Variants in MARCHF6 observed in about 807,000 individuals in gnomAD.
The protein encoded by MARCHF6 is E3 ubiquitin-protein ligase MARCHF6.
A neutral mutation model predicts 133.7 loss-of-function variants in MARCHF6; 31 were observed. The observed-to-expected ratio is 0.23, with a 90% CI of 0.17 to 0.31. The LOEUF (loss-of-function observed/expected upper bound fraction) is 0.31. Ranked by LOEUF, MARCHF6 falls within the 10% of genes least tolerant of loss-of-function variation. The pLI, the probability that MARCHF6 is intolerant of heterozygous loss-of-function variation, is 1.00. For synonymous variants in MARCHF6, 395 were observed against 402.5 expected (o/e 0.98, Z 0.22); for missense variants, 723 against 1,121.6 (o/e 0.64, Z 5.08).
chr5:10,436,330 A>G lies in MARCHF6; in HGVS notation c.*2646A>G, dbSNP rs1183198878. ...ATTGTACTTTATCGTGTTGTTTTCA[A>G]TGAGATAAGTATTTTCATAGGGAAA... On this transcript the variant is annotated 3_prime_UTR_variant, in exon 26 of 26. Coordinates refer to ENST00000274140, the MANE Select transcript of MARCHF6 (RefSeq NM_005885.4). 1 of 152,118 alleles carries G rather than the reference A, an allele frequency of 6.6e-6. No individual in the cohort carries two copies. Among genetic ancestry groups the G allele is most frequent in the Non-Finnish European group, 1.5e-5 (1 of 68,016 alleles). 9.4% of individuals were successfully genotyped at this position (152,118 alleles called of 1,614,324 possible). A position where few individuals can be genotyped will look rare whatever the true frequency, so the allele number is the denominator to read the frequency against.
rs1402521841 is a variant in MARCHF6, at chr5:10,410,153, G to C, written c.1568G>C (p.Ser523Thr). 1 of 1,614,060 alleles carries C rather than the reference G, an allele frequency of 6.2e-7. No homozygotes were observed. The highest frequency in any genetic ancestry group is 2.2e-5 in the East Asian group (1 of 44,882). ...NVMLYSDAPV[S>T]ELSLELLLLQ... The stretch of plus-strand genomic sequence containing the variant: ...GCCTCTTTCAGTGATGCTCCAGTGA[G>C]TGAACTGTCCCTCGAGCTGCTTCTG... Residue 523 changes from serine (S) to threonine (T), a missense_variant, in exon 18 of 26, where the codon AGT becomes ACT. Transcript: ENST00000274140.
chr5:10,430,297 T>A (rs927701741), intron 25 of MARCHF6, among the ~76,000 whole-genome samples: 2 of 147,192 alleles, frequency 1.4e-5, no homozygotes, highest in African/African-American at 5.1e-5. Flanking sequence ...TTTTTTTTTT[T>A]GGTGGTGGTT....
At chr5:10,430,306 T>G (rs1161193102) in intron 25 of MARCHF6, among the ~76,000 whole-genome samples, 10 of 128,922 alleles carry the variant, frequency 7.8e-5, no homozygotes, top group Non-Finnish European at 1.0e-4. Flanking sequence ...TTGGTGGTGG[T>G]TTTTTTTTTT....
chr5:10,353,941 C>T (rs949965573), intron 1 of MARCHF6, 24 bp downstream of exon 1: 11 of 1,541,878 alleles, frequency 7.1e-6, no homozygotes, highest in African/African-American at 1.4e-5. Context: ...GCGCGGCGCC[C>T]GAGCCCTTGC....
At chr5:10,372,165 A>G (rs554174997) in intron 1 of MARCHF6, among the ~76,000 whole-genome samples, 76 of 151,216 alleles carry the variant, frequency 5.0e-4, no homozygotes, top group Middle Eastern at 3.4e-3. Context: ...TTGGATTTTG[A>G]TGTTTTCTGC....
intron 22 of MARCHF6, among the ~76,000 whole-genome samples, chr5:10,419,595 T>C (rs532576710): frequency 1.3e-5 from 2 of 150,698 alleles, no homozygotes; most frequent in African/African-American, 4.9e-5. Flanking sequence ...GTATCTGTAA[T>C]TGAAGGAAAG....
chr5:10,417,431 A>C, intron 22 of MARCHF6, 27 bp downstream of exon 22: 1 of 1,612,154 alleles, frequency 6.2e-7, no homozygotes, highest in Non-Finnish European at 8.5e-7. Context: ...TGCTCATGTT[A>C]TTTCATTAAG....
intron 1 of MARCHF6, among the ~76,000 whole-genome samples, chr5:10,356,321 T>C (rs946242129): frequency 1.3e-5 from 2 of 151,126 alleles, no homozygotes; most frequent in Admixed American, 6.6e-5. Context: ...AAAACACTTA[T>C]ACTGTTGTGG....
chr5:10,418,311 C>T (rs1402568457), intron 22 of MARCHF6, among the ~76,000 whole-genome samples: 1 of 151,510 alleles, frequency 6.6e-6, no homozygotes, highest in Non-Finnish European at 1.5e-5. Flanking sequence ...GCCTGGGAGG[C>T]CGCGGTTGCA....
intron 9 of MARCHF6, among the ~76,000 whole-genome samples, chr5:10,396,936 G>A (rs1738229086): frequency 6.6e-6 from 1 of 152,106 alleles, no homozygotes; most frequent in Non-Finnish European, 1.5e-5. Flanking sequence ...AATTAATTTG[G>A]CTTTCAAATT....
At chr5:10,380,705 C>T (rs1737083423) in intron 3 of MARCHF6, among the ~76,000 whole-genome samples, 1 of 152,094 alleles carries the variant, frequency 6.6e-6, no homozygotes, top group Admixed American at 6.5e-5. Context: ...GCAGGCGGAC[C>T]ACCTGAGGTC....
chr5:10,389,101 A>C lies in MARCHF6; in HGVS notation c.408-1231A>C, dbSNP rs79499780. ...AAGGTCTACCAGATTGACCCTTCTC[A>C]GGTTTTCTATGGAGGAAAAAAGTGA... On this transcript the variant is annotated intron_variant, in intron 5 of 25. Transcript: ENST00000274140. 6.8e-4 allele frequency among the ~76,000 whole-genome samples: 104 copies of C among 152,088 alleles called. 1 individual carries two copies. The East Asian group carries it at 0.016, about 24-fold the overall frequency.
At chr5:10,408,509 CTTT>C (rs1739038100) in intron 17 of MARCHF6, among the ~76,000 whole-genome samples, 2 of 152,138 alleles carry the variant, frequency 1.3e-5, no homozygotes, top group African/African-American at 4.8e-5. Context: ...ATTTGATATT[CTTT>C]TTAAAATCCA....
chr5:10,391,797 A>C, intron 7 of MARCHF6, 66 bp downstream of exon 7: 2 of 1,375,548 alleles, frequency 1.5e-6, no homozygotes, highest in Non-Finnish European at 1.9e-6. Flanking sequence ...GCATTGAGGA[A>C]AAGGGCTGGC....
intron 20 of MARCHF6, 90 bp from the exon 21 acceptor site, chr5:10,415,398 C>G: frequency 8.5e-7 from 1 of 1,179,006 alleles, no homozygotes; most frequent in Non-Finnish European, 1.2e-6. Context: ...ATATCTTTTT[C>G]CTAATGTGAA....
At chr5:10,412,676 G>T (rs1053549060) in intron 19 of MARCHF6, among the ~76,000 whole-genome samples, 2 of 152,114 alleles carry the variant, frequency 1.3e-5, no homozygotes, top group East Asian at 3.8e-4. Context: ...GGGTTCAAGC[G>T]ATCCTCCTAC....
At chr5:10,379,010 T>C (rs1013953762) in intron 3 of MARCHF6, among the ~76,000 whole-genome samples, 178 bp downstream of exon 3, 1 of 152,178 alleles carries the variant, frequency 6.6e-6, no homozygotes, top group African/African-American at 2.4e-5. Context: ...TAGGAAAATA[T>C]TTTGAAAAAC....
chr5:10,376,559 A>G (rs1161872172), intron 1 of MARCHF6, among the ~76,000 whole-genome samples: 8 of 152,188 alleles, frequency 5.3e-5, no homozygotes. Context: ...CAGGGAGATT[A>G]GCGTGCTAAC....
chr5:10,377,740 T>C (rs1736878326), intron 1 of MARCHF6, 58 bp from the exon 2 acceptor site: 18 of 1,262,226 alleles, frequency 1.4e-5, no homozygotes, highest in Non-Finnish European at 1.4e-5. Flanking sequence ...TGCTTGTTTC[T>C]TGCTTTTTTA....
Sources: allele counts gnomAD v4.1 joint callset (sites outside exome capture counted in the v4.1 genomes callset), GRCh38; gene constraint gnomAD v4.1.1; transcripts MANE v1.5; gene names NCBI Gene and HGNC (gene_info 2026-07-23, HGNC 2026-07-21).